ELF2: variants seen among roughly 807,000 people sequenced by gnomAD.
ELF2 encodes the protein ETS-related transcription factor Elf-2.
Under a neutral mutation model 54.8 loss-of-function variants are expected in ELF2, and 11 were observed. The observed-to-expected ratio is 0.20, with a 90% CI of 0.13 to 0.33. The LOEUF (loss-of-function observed/expected upper bound fraction) is 0.33. Ranked by LOEUF, ELF2 falls within the 10% of genes least tolerant of loss-of-function variation. The pLI is 1.00. For synonymous variants in ELF2, 203 were observed against 245.1 expected (o/e 0.83, Z 1.61); for missense variants, 513 against 703.0 (o/e 0.73, Z 3.06).
chr4:139,140,161 G>T (rs6844698), intron 1 of ELF2, among the ~76,000 whole-genome samples: 152,284 of 152,290 alleles, frequency 1, 76,139 homozygotes, highest in Middle Eastern at 1. Flanking sequence ...AGTCTGATCT[G>T]GAACTCCTGG....
At chr4:139,081,648 A>C (rs1309736060) in intron 4 of ELF2, among the ~76,000 whole-genome samples, 1 of 152,206 alleles carries the variant, frequency 6.6e-6, no homozygotes, top group Non-Finnish European at 1.5e-5. Flanking sequence ...TATTCTGTCC[A>C]TTACACAAAT....
intron 4 of ELF2, among the ~76,000 whole-genome samples, chr4:139,119,495 C>T (rs1736096766): frequency 6.6e-6 from 1 of 152,160 alleles, no homozygotes; most frequent in Non-Finnish European, 1.5e-5. Context: ...TAGCTGTGTC[C>T]TTTGATCAAA....
intron 4 of ELF2, among the ~76,000 whole-genome samples, chr4:139,097,743 G>C (rs1390562546): frequency 6.7e-6 from 1 of 149,234 alleles, no homozygotes; most frequent in Admixed American, 6.7e-5. Flanking sequence ...TTATTATTTT[G>C]ATTGTCTTTT....
chr4:139,078,878 T>C (rs1321086834), intron 4 of ELF2, among the ~76,000 whole-genome samples: 1 of 152,164 alleles, frequency 6.6e-6, no homozygotes, highest in African/African-American at 2.4e-5. Context: ...AAATTATTAA[T>C]TCATTTAAAA....
rs191308270 is a variant in ELF2, at chr4:139,103,417, G to C, written c.238+21747C>G. On this transcript the variant is annotated intron_variant, in intron 4 of 9. Coordinates refer to ENST00000686138, the MANE Select transcript of ELF2 (RefSeq NM_001331036.3). ...CCCAACCTCTGGGCCTCGGGAAACA[G>C]GGCTGAAGGTTAAGTCAACCACCAA... 3.3e-5 allele frequency among the ~76,000 whole-genome samples: 5 copies of C among 152,300 alleles called. No homozygotes were observed. In the East Asian group the frequency reaches 9.6e-4, roughly 29 times the overall value.
At chr4:139,115,315 GCC>G (rs1735555229) in intron 4 of ELF2, 1 of 1,529,938 alleles carries the variant, frequency 6.5e-7, no homozygotes, top group African/African-American at 1.4e-5. Flanking sequence ...GGCCGCCACT[GCC>G]CGGCCCGGGG....
intron 1 of ELF2, among the ~76,000 whole-genome samples, chr4:139,167,256 G>A (rs1741818633): frequency 6.6e-6 from 1 of 152,170 alleles, no homozygotes; most frequent in South Asian, 2.1e-4. Flanking sequence ...TTAAGAATGT[G>A]CACACAATGT....
intron 1 of ELF2, among the ~76,000 whole-genome samples, chr4:139,172,662 C>T (rs934885496): frequency 6.6e-6 from 1 of 152,076 alleles, no homozygotes; most frequent in Non-Finnish European, 1.5e-5. Context: ...AAACTTTATG[C>T]TGTTTGCTAA....
chr4:139,156,597 G>T (rs915217491), intron 1 of ELF2, among the ~76,000 whole-genome samples: 22 of 150,070 alleles, frequency 1.5e-4, no homozygotes, highest in Non-Finnish European at 2.7e-4. Flanking sequence ...TTCATTCATA[G>T]ATATATATAT....
At chr4:139,073,770 TTATAAAATGAATACTGA>T (rs1729868640) in intron 4 of ELF2, 1 of 295,928 alleles carries the variant, frequency 3.4e-6, no homozygotes, top group South Asian at 1.4e-4. Context: ...TATCTACATT[TTATAAAATGAATACTGA>T]TATAAAATGA....
intron 4 of ELF2, among the ~76,000 whole-genome samples, chr4:139,079,767 C>T (rs939321881): frequency 1.3e-5 from 2 of 152,132 alleles, no homozygotes; most frequent in Non-Finnish European, 2.9e-5. Flanking sequence ...CAAAAATTAG[C>T]CAGGAGTGGT....
intron 3 of ELF2, among the ~76,000 whole-genome samples, chr4:139,127,873 G>A (rs1251652195): frequency 2.0e-5 from 3 of 149,784 alleles, no homozygotes; most frequent in Admixed American, 6.6e-5. Flanking sequence ...GCTGAGGCAT[G>A]AGAATTGCTT....
At chr4:139,083,682 C>A (rs1731508511) in intron 4 of ELF2, among the ~76,000 whole-genome samples, 1 of 152,364 alleles carries the variant, frequency 6.6e-6, no homozygotes, top group East Asian at 1.9e-4. Context: ...GCCGGAGAAG[C>A]CCGCCGCCCC....
chr4:139,106,208 T>C (rs1390512430), intron 4 of ELF2, among the ~76,000 whole-genome samples: 1 of 152,146 alleles, frequency 6.6e-6, no homozygotes, highest in African/African-American at 2.4e-5. Context: ...TTAACGAATA[T>C]GAAAAATTAC....
chr4:139,177,867 A>G (rs1283874947), upstream of ELF2, among the ~76,000 whole-genome samples: 1 of 152,144 alleles, frequency 6.6e-6, no homozygotes, highest in Non-Finnish European at 1.5e-5. Flanking sequence ...AAAAACTCCT[A>G]GCCCGGTCTT....
intron 4 of ELF2, chr4:139,084,162 G>C (rs759497079): frequency 1.9e-6 from 3 of 1,613,566 alleles, no homozygotes; most frequent in Non-Finnish European, 2.5e-6. Context: ...CAGCTGGTTC[G>C]TGGGTCCCTC....
intron 4 of ELF2, chr4:139,115,003 G>C: frequency 6.2e-7 from 1 of 1,613,816 alleles, no homozygotes; most frequent in African/African-American, 1.3e-5. Context: ...GAAGGCCTCT[G>C]TGGGTTTGTA....
intron 4 of ELF2, among the ~76,000 whole-genome samples, chr4:139,082,786 C>A (rs1731301038): frequency 6.6e-6 from 1 of 152,134 alleles, no homozygotes; most frequent in Admixed American, 6.5e-5. Flanking sequence ...AAATAGGAAC[C>A]GGGAAGAGGA....
At chr4:139,062,093 T>C in intron 7 of ELF2, 36 bp from the exon 8 acceptor site, 1 of 1,560,558 alleles carries the variant, frequency 6.4e-7, no homozygotes, top group Non-Finnish European at 8.7e-7. Context: ...TTAAAATTCA[T>C]TAACATAATT....
Sources: allele counts gnomAD v4.1 joint callset (sites outside exome capture counted in the v4.1 genomes callset), GRCh38; gene constraint gnomAD v4.1.1; transcripts MANE v1.5; gene names NCBI Gene and HGNC (gene_info 2026-07-23, HGNC 2026-07-21).